ZNF276: variants seen among roughly 807,000 people sequenced by gnomAD.
ZNF276 encodes centromere protein Z.
A neutral mutation model predicts 63.9 loss-of-function variants in ZNF276; 59 were observed. That is an observed-to-expected ratio of 0.92 (90% confidence interval 0.75 to 1.15). ZNF276 has a LOEUF of 1.15. ZNF276 is among the 50% of genes most tolerant of loss of function. The probability of loss-of-function intolerance (pLI) is 0.00; values close to 1 mark genes in which losing one functional copy is unlikely to be tolerated. For synonymous variants in ZNF276, 496 were observed against 348.4 expected (o/e 1.42, Z -4.72); for missense variants, 1,084 against 843.8 (o/e 1.28, Z -3.53).
chr16:89,735,726 T>G (rs1442602900), intron 9 of ZNF276, among the ~76,000 whole-genome samples: 1 of 152,078 alleles, frequency 6.6e-6, no homozygotes, highest in Non-Finnish European at 1.5e-5. Flanking sequence ...TTTTTTAATT[T>G]ATTGATGGAA....
intron 9 of ZNF276, among the ~76,000 whole-genome samples, chr16:89,734,712 T>G (rs2061791758): frequency 6.6e-6 from 1 of 152,198 alleles, no homozygotes; most frequent in South Asian, 2.1e-4. Flanking sequence ...CACGTGTGGT[T>G]CTGCCTTTTC....
chr16:89,722,976 G>A (rs2061348818), intron 2 of ZNF276, 142 bp downstream of exon 2: 1 of 1,567,214 alleles, frequency 6.4e-7, no homozygotes. Context: ...CAACAGCCCT[G>A]GGACTGTTGT....
In ZNF276 at chr16:89,734,045, C is replaced by T. The variant is rs1257073703; in HGVS notation, c.1474+7C>T. The T allele has an allele frequency of 6.2e-7, 1 of 1,612,896 alleles. No individual in the cohort carries two copies. Among genetic ancestry groups the T allele is most frequent in the African/African-American group, 1.3e-5 (1 of 74,936 alleles). On this transcript the variant is annotated splice_region_variant and intron_variant, in intron 9 of 10. Coordinates refer to ENST00000443381, the MANE Select transcript of ZNF276 (RefSeq NM_001113525.2). ...GTGAAGCTCATCCACACAGGTACGC[C>T]TATCGCCAGTGTCGCCCACGCGGGT... is the stretch of plus-strand genomic sequence containing the variant.
At chr16:89,722,434 G>A in intron 1 of ZNF276, 97 bp from the exon 2 acceptor site, 2 of 1,390,046 alleles carry the variant, frequency 1.4e-6, no homozygotes, top group Non-Finnish European at 1.9e-6. Context: ...CCGCGCGAAG[G>A]GCGCTGCAGG....
chr16:89,737,920 G>C lies in ZNF276; in HGVS notation c.1574+15G>C. ...AAGCCTTTGCAGTAAGTGTGAGTCAGGACCCCCTCCCAGGGCTGTGGCCCT... is the reference window on the plus strand; with the variant it reads ...AAGCCTTTGCAGTAAGTGTGAGTCACGACCCCCTCCCAGGGCTGTGGCCCT... On this transcript the variant is annotated intron_variant, in intron 10 of 10. Transcript: ENST00000443381. 3 of 1,564,638 alleles carry C rather than the reference G, an allele frequency of 1.9e-6. No homozygotes were observed. Among genetic ancestry groups the C allele is most frequent in the South Asian group, 1.1e-5 (1 of 89,054 alleles).
chr16:89,733,238 A>G, intron 6 of ZNF276, 64 bp from the exon 7 acceptor site: 1 of 1,439,292 alleles, frequency 6.9e-7, no homozygotes, highest in Non-Finnish European at 9.7e-7. Context: ...CAGGTTGGAG[A>G]GACAAAAAAC....
chr16:89,736,227 A>C (rs1169434462), intron 9 of ZNF276, among the ~76,000 whole-genome samples: 1 of 151,442 alleles, frequency 6.6e-6, no homozygotes, highest in Non-Finnish European at 1.5e-5. Context: ...AGGTTTTGCT[A>C]TGTTGGCCAG....
chr16:89,729,107 A>T, intron 5 of ZNF276, 128 bp from the exon 6 acceptor site: 3 of 765,066 alleles, frequency 3.9e-6, no homozygotes, highest in Non-Finnish European at 6.4e-6. Flanking sequence ...TTTTAGATTT[A>T]AGACATTTTC....
chr16:89,733,582 A>C lies in ZNF276; in HGVS notation c.1356+25A>C, dbSNP rs750839505. On this transcript the variant is annotated intron_variant, in intron 8 of 10. Coordinates refer to ENST00000443381, the MANE Select transcript of ZNF276 (RefSeq NM_001113525.2). ...GGTGAGCACTGGCTGTGCCTGACCC[A>C]GGCCCGGCAGCTGTCAGTGTGAACC... The C allele has an allele frequency of 7.4e-6, 12 of 1,612,654 alleles. No homozygotes were observed. The East Asian group carries it at 2.0e-4, about 27-fold the overall frequency.
At position 89,739,255 on chromosome 16, in the gene ZNF276, T is replaced by C. The variant is rs750543279; in HGVS notation, c.*1009T>C. 1.2e-6 allele frequency: 2 copies of C among 1,614,142 alleles called. No individual in the cohort carries two copies. The highest frequency in any genetic ancestry group is 1.7e-6 in the Non-Finnish European group (2 of 1,180,044). ...GCAACATGCAGGAAGGCCTCTTCCCTGATGGCCGCGTCTTCATGGAAGTAG... is the reference window on the plus strand; with the variant it reads ...GCAACATGCAGGAAGGCCTCTTCCCCGATGGCCGCGTCTTCATGGAAGTAG... On this transcript the variant is annotated 3_prime_UTR_variant, in exon 11 of 11. Coordinates refer to ENST00000443381, the MANE Select transcript of ZNF276 (RefSeq NM_001113525.2).
Position 89,739,733 on chromosome 16 carries a change from G to A in ZNF276, c.*1487G>A, listed in dbSNP as rs915634612. 174 of 1,496,262 alleles carry A rather than the reference G, an allele frequency of 1.2e-4. No individual in the cohort carries two copies. The highest frequency in any genetic ancestry group is 6.3e-4 in the Middle Eastern group (3 of 4,794). 92.7% of individuals were successfully genotyped at this position (1,496,262 alleles called of 1,614,324 possible). On this transcript the variant is annotated 3_prime_UTR_variant, in exon 11 of 11. Coordinates refer to ENST00000443381, the MANE Select transcript of ZNF276 (RefSeq NM_001113525.2). ...GTCAGCAGCTGGGAGAGGATGGGGG[G>A]GTCGACCTCTTGCAGGAGGGTGGGT...
At chr16:89,721,453 T>TGGAACCTCGGCCGGC (rs2061267443), upstream of ZNF276, 1 of 490,754 alleles carries the variant, frequency 2.0e-6, no homozygotes, top group African/African-American at 2.1e-5. Context: ...GCACCGCGGG[T>TGGAACCTCGGCCGGC]GGAACCTCGG....
In ZNF276 at chr16:89,728,332, C is replaced by T. The variant is rs993834260; in HGVS notation, c.1086-903C>T. 4.0e-5 allele frequency among the ~76,000 whole-genome samples: 6 copies of T among 151,158 alleles called. No individual in the cohort carries two copies. The Admixed American group carries it at 4.0e-4, about 10-fold the overall frequency. ...CTCCACCTCCCGCGTTCAAGTGATT[C>T]TCCCGCCTCAGCCTCCCGAGTAGCT... On this transcript the variant is annotated intron_variant, in intron 5 of 10. Coordinates refer to ENST00000443381, the MANE Select transcript of ZNF276 (RefSeq NM_001113525.2).
At chr16:89,726,634 G>T (rs8048331) in intron 4 of ZNF276, among the ~76,000 whole-genome samples, 45,887 of 150,052 alleles carry the variant, frequency 0.31, 8,214 homozygotes, top group Middle Eastern at 0.45. Flanking sequence ...CCCGGACTGA[G>T]AATAGTAATT....
At chr16:89,720,581 A>AGCTT (rs2061232987), upstream of ZNF276, 1 of 1,218,204 alleles carries the variant, frequency 8.2e-7, no homozygotes, top group African/African-American at 1.6e-5. Flanking sequence ...GAGCTGTCCA[A>AGCTT]GGTCACTGCA....
chr16:89,730,051 G>A (rs944854594), intron 6 of ZNF276, among the ~76,000 whole-genome samples: 9 of 152,182 alleles, frequency 5.9e-5, no homozygotes, highest in Non-Finnish European at 1.5e-5. Context: ...GAGCACCACC[G>A]TCAGCCACTA....
Position 89,738,494 on chromosome 16 carries a change from A to T in ZNF276, c.*248A>T, listed in dbSNP as rs1026096277. ...AATTGATTCCTTTCCCCACTAAAGCAGTCGAGGAGATTTGTAATCCACTTT... is the reference window on the plus strand; with the variant it reads ...AATTGATTCCTTTCCCCACTAAAGCTGTCGAGGAGATTTGTAATCCACTTT... On this transcript the variant is annotated 3_prime_UTR_variant, in exon 11 of 11. Transcript: ENST00000443381. 8.5e-6 allele frequency: 13 copies of T among 1,532,826 alleles called. No individual in the cohort carries two copies. In the African/African-American group the frequency reaches 1.6e-4, roughly 19 times the overall value. The allele number at this position is 1,532,826 out of a possible 1,614,324, so 95.0% of individuals were successfully genotyped here. A position where few individuals can be genotyped will look rare whatever the true frequency, so the allele number is the denominator to read the frequency against.
At position 89,740,636 on chromosome 16, in the gene ZNF276, CAA is replaced by C. The variant is rs371709074; in HGVS notation, c.*2407_*2408del. Reference sequence around the variant, plus strand: ...GGGTGACAGAGTGAGACCCCCATCTCAAAAAAAAAAAAAAAAAACCCACGGCC... The same window carrying C: ...GGGTGACAGAGTGAGACCCCCATCTCAAAAAAAAAAAAAAAACCCACGGCC... On this transcript the variant is annotated 3_prime_UTR_variant, in exon 11 of 11. Transcript: ENST00000443381. 0.018 allele frequency: 7,886 copies of C among 445,618 alleles called. No individual in the cohort carries two copies. The highest frequency in any genetic ancestry group is 0.022 in the Middle Eastern group (38 of 1,754). The allele number at this position is 445,618 out of a possible 1,614,324, so 27.6% of individuals were successfully genotyped here. A position where few individuals can be genotyped will look rare whatever the true frequency, so the allele number is the denominator to read the frequency against.
chr16:89,721,054 A>G (rs2061253852), upstream of ZNF276: 1 of 455,478 alleles, frequency 2.2e-6, no homozygotes, highest in East Asian at 4.3e-5. Flanking sequence ...GGGGCGGCAG[A>G]GTCCGGGTGG....
Sources: gnomAD v4.1 joint callset for allele counts (sites outside exome capture counted in the v4.1 genomes callset) on GRCh38, gnomAD v4.1.1 for gene constraint, MANE v1.5 for transcripts, NCBI Gene and HGNC (gene_info 2026-07-23, HGNC 2026-07-21) for gene names.